Variants in TANC2 observed in about 807,000 individuals in gnomAD.
TANC2 encodes the protein tetratricopeptide repeat, ankyrin repeat and coiled-coil containing 2, also known as protein TANC2.
TANC2 carries 26 observed loss-of-function variants against 210.5 expected under a neutral mutation model. That is an observed-to-expected ratio of 0.12 (90% CI 0.09 to 0.17). TANC2 has a LOEUF of 0.17. Among genes scored for constraint, TANC2 ranks in the 10% least tolerant of loss-of-function variants. The probability of loss-of-function intolerance (pLI) is 1.00; values close to 1 mark genes in which losing one functional copy is unlikely to be tolerated. For synonymous variants in TANC2, 931 were observed against 967.1 expected (o/e 0.96, Z 0.69); for missense variants, 2,129 against 2,608.9 (o/e 0.82, Z 4.01).
chr17:63,042,501 A>G (rs1299872230), intron 2 of TANC2, among the ~76,000 whole-genome samples: 1 of 152,134 alleles, frequency 6.6e-6, no homozygotes, highest in Non-Finnish European at 1.5e-5. Context: ...TGCAATAGAG[A>G]GCTGGATGCA....
chr17:63,300,321 A>G (rs939326507), intron 9 of TANC2, among the ~76,000 whole-genome samples: 1 of 152,196 alleles, frequency 6.6e-6, no homozygotes, highest in Admixed American at 6.5e-5. Context: ...TCTGTGAAGA[A>G]TCTCAATGGT....
At chr17:63,149,071 C>T (rs761909511) in intron 4 of TANC2, 7 of 152,070 alleles carry the variant, frequency 4.6e-5, no homozygotes, top group Non-Finnish European at 8.8e-5. Flanking sequence ...TAAATGTCTC[C>T]TGTGAGCTAT....
intron 7 of TANC2, among the ~76,000 whole-genome samples, chr17:63,217,178 G>A (rs569964019): frequency 6.6e-6 from 1 of 152,064 alleles, no homozygotes; most frequent in African/African-American, 2.4e-5. Flanking sequence ...AAGTTCAACC[G>A]AATGTAAGCA....
intron 4 of TANC2, among the ~76,000 whole-genome samples, chr17:63,139,593 C>T (rs190817533): frequency 6.2e-4 from 94 of 152,066 alleles, no homozygotes; most frequent in African/African-American, 2.2e-3. Context: ...GCAACAAGAG[C>T]GAGACTGTGT....
At chr17:63,378,595 A>T (rs370584874) in intron 14 of TANC2, among the ~76,000 whole-genome samples, 6 of 152,242 alleles carry the variant, frequency 3.9e-5, no homozygotes, top group Admixed American at 1.3e-4. Flanking sequence ...GCAGTTCTGG[A>T]CATCATGGGC....
chr17:63,171,094 T>C (rs1469492419), intron 5 of TANC2, among the ~76,000 whole-genome samples: 2 of 145,074 alleles, frequency 1.4e-5, no homozygotes, highest in Non-Finnish European at 3.0e-5. Context: ...TTTTTTTTTT[T>C]TTTTTTTTTG....
At position 63,285,783 on chromosome 17, in the gene TANC2, G is replaced by T. The variant is rs9894969; in HGVS notation, c.1159+17910G>T. On this transcript the variant is annotated intron_variant, in intron 9 of 27. Coordinates refer to ENST00000689528, the Ensembl canonical transcript of TANC2. ...TTCATGACCCAAGATTTTTATTGGC[G>T]TGTGGTCATACAGACCCCCACCTTG... Among the ~76,000 whole-genome samples the T allele has an allele frequency of 9.3e-3, 1,415 of 152,220 alleles. 24 individuals carry two copies. The highest frequency in any genetic ancestry group is 0.031 in the African/African-American group (1,300 of 41,528).
chr17:63,111,157 CA>C (rs911214825), intron 4 of TANC2, among the ~76,000 whole-genome samples: 1 of 151,560 alleles, frequency 6.6e-6, no homozygotes, highest in East Asian at 1.9e-4. Context: ...ACTAAAAATA[CA>C]AAAAAAATTA....
chr17:63,185,782 C>T (rs1260603279), intron 5 of TANC2, among the ~76,000 whole-genome samples: 1 of 152,168 alleles, frequency 6.6e-6, no homozygotes, highest in East Asian at 1.9e-4. Context: ...TGCTTATTAG[C>T]TATTTGGATA....
intron 2 of TANC2, among the ~76,000 whole-genome samples, chr17:63,013,706 A>G (rs1347504299): frequency 6.6e-6 from 1 of 151,280 alleles, no homozygotes; most frequent in Non-Finnish European, 1.5e-5. Flanking sequence ...AGGTTGCAAT[A>G]AGCCAAGATT....
chr17:63,120,755 A>G (rs1482583141), intron 4 of TANC2: 1 of 131,048 alleles, frequency 7.6e-6, no homozygotes, highest in African/African-American at 2.8e-5. Flanking sequence ...GTAAAGTTGT[A>G]GTGAGCCGTG....
At chr17:63,255,933 T>C (rs2146193561) in intron 8 of TANC2, among the ~76,000 whole-genome samples, 1 of 141,556 alleles carries the variant, frequency 7.1e-6, no homozygotes, top group African/African-American at 2.7e-5. Context: ...TTTGAGACAG[T>C]CTCACTCTGT....
intron 1 of TANC2, among the ~76,000 whole-genome samples, chr17:62,997,135 T>A (rs1045443225): frequency 1.2e-4 from 18 of 147,234 alleles, no homozygotes; most frequent in East Asian, 7.8e-4. Flanking sequence ...TTTTTTTTTT[T>A]AAAGAGAAAA....
chr17:63,390,830 A>T (rs1410851397), intron 17 of TANC2: 1 of 152,076 alleles, frequency 6.6e-6, no homozygotes, highest in Non-Finnish European at 1.5e-5. Flanking sequence ...TTCAGCCCTT[A>T]CACTGCCAAG....
At chr17:63,120,897 G>A (rs1196749214) in intron 4 of TANC2, 2 of 151,006 alleles carry the variant, frequency 1.3e-5, no homozygotes, top group African/African-American at 2.4e-5. Flanking sequence ...TTAATAGTAG[G>A]CGTTACTTTT....
intron 1 of TANC2, among the ~76,000 whole-genome samples, chr17:62,979,677 G>A (rs1375949299): frequency 6.6e-6 from 1 of 152,194 alleles, no homozygotes; most frequent in Non-Finnish European, 1.5e-5. Flanking sequence ...TTGGGAGGCT[G>A]AGGTGGGAGG....
At chr17:63,262,345 G>GT (rs2043388127) in intron 8 of TANC2, among the ~76,000 whole-genome samples, 1 of 152,012 alleles carries the variant, frequency 6.6e-6, no homozygotes, top group East Asian at 1.9e-4. Flanking sequence ...TACCCAATCA[G>GT]TTTTTTTGTT....
intron 7 of TANC2, among the ~76,000 whole-genome samples, chr17:63,206,088 A>G (rs2041701531): frequency 6.6e-6 from 1 of 152,238 alleles, no homozygotes; most frequent in South Asian, 2.1e-4. Flanking sequence ...GCCAATAGAC[A>G]CATGAAAAGA....
intron 5 of TANC2, among the ~76,000 whole-genome samples, chr17:63,190,327 G>A (rs753592527): frequency 4.2e-5 from 6 of 143,560 alleles, no homozygotes; most frequent in Non-Finnish European, 6.0e-5. Flanking sequence ...GCAACAGAGC[G>A]AGACCCTGTC....
Sources: gnomAD v4.1 joint callset for allele counts (sites outside exome capture counted in the v4.1 genomes callset) on GRCh38, gnomAD v4.1.1 for gene constraint, MANE v1.5 for transcripts, NCBI Gene and HGNC (gene_info 2026-07-23, HGNC 2026-07-21) for gene names.